DGKB: variants seen among roughly 807,000 people sequenced by gnomAD.
DGKB encodes the protein 90 kDa diacylglycerol kinase.
DGKB carries 67 observed loss-of-function variants against 114.3 expected under a neutral mutation model. The observed-to-expected ratio is 0.59, with a 90% CI of 0.48 to 0.72. The LOEUF (loss-of-function observed/expected upper bound fraction) is 0.72, where lower values mean the gene tolerates loss of function less well. Among genes scored for constraint, DGKB ranks in the 30% least tolerant of loss-of-function variants. The pLI, the probability that DGKB is intolerant of heterozygous loss-of-function variation, is 0.00. For synonymous variants in DGKB, 398 were observed against 323.1 expected (o/e 1.23, Z -2.49); for missense variants, 907 against 975.2 (o/e 0.93, Z 0.93).
At chr7:14,462,490 T>A (rs981264044) in intron 21 of DGKB, among the ~76,000 whole-genome samples, 1 of 152,100 alleles carries the variant, frequency 6.6e-6, no homozygotes, top group Non-Finnish European at 1.5e-5. Flanking sequence ...ATGAGTGAAC[T>A]CCCATTCACA....
intron 20 of DGKB, among the ~76,000 whole-genome samples, chr7:14,562,978 A>G (rs2128675734): frequency 6.6e-6 from 1 of 152,256 alleles, no homozygotes; most frequent in Admixed American, 6.5e-5. Flanking sequence ...AATTGTAATA[A>G]TGGCCATGTG....
intron 1 of DGKB, among the ~76,000 whole-genome samples, chr7:14,902,073 T>C (rs891314249): frequency 6.6e-6 from 1 of 152,158 alleles, no homozygotes; most frequent in African/African-American, 2.4e-5. Context: ...GCCTAGGCTG[T>C]TGCCTAGCAG....
intron 25 of DGKB, among the ~76,000 whole-genome samples, chr7:14,158,381 T>C (rs1338808556): frequency 6.6e-6 from 1 of 152,130 alleles, no homozygotes; most frequent in Non-Finnish European, 1.5e-5. Flanking sequence ...AAAAGAAAGG[T>C]TAGAAAAAAA....
At chr7:14,687,163 C>T (rs1226968893) in intron 9 of DGKB, among the ~76,000 whole-genome samples, 2 of 152,158 alleles carry the variant, frequency 1.3e-5, no homozygotes, top group Non-Finnish European at 2.9e-5. Flanking sequence ...ACGTGAAGCT[C>T]CTGTTGCTCT....
chr7:14,906,865 T>C (rs76786014), upstream of DGKB, among the ~76,000 whole-genome samples: 32 of 152,320 alleles, frequency 2.1e-4, no homozygotes, highest in African/African-American at 6.0e-4. Context: ...CTGCAAAGCA[T>C]TGGGAAAAGA....
chr7:14,764,473 C>G (rs189316422), intron 2 of DGKB, among the ~76,000 whole-genome samples: 52 of 151,944 alleles, frequency 3.4e-4, no homozygotes, highest in African/African-American at 1.1e-3. Context: ...GGATCCATAT[C>G]AGGATCATCC....
chr7:14,403,432 T>C (rs1215656112), intron 21 of DGKB, among the ~76,000 whole-genome samples: 1 of 151,948 alleles, frequency 6.6e-6, no homozygotes, highest in Non-Finnish European at 1.5e-5. Flanking sequence ...TTCTGAATAA[T>C]TGATCAGCAA....
chr7:14,818,625 T>C lies in DGKB; in HGVS notation c.70+22569A>G, dbSNP rs571931695. ...CATAATGGAAACAGAAATGAAGCAA[T>C]GGCTGTTTGGAAAAGAAAAAGAACT... On this transcript the variant is annotated intron_variant, in intron 2 of 25. Coordinates refer to ENST00000402815, the MANE Select transcript of DGKB (RefSeq NM_001350709.2). Among the ~76,000 whole-genome samples, 3 of 152,234 alleles carry C rather than the reference T, an allele frequency of 2.0e-5. No homozygotes were observed. The East Asian group carries it at 5.8e-4, about 29-fold the overall frequency.
At chr7:14,237,510 G>A (rs1792984433) in intron 23 of DGKB, among the ~76,000 whole-genome samples, 1 of 151,904 alleles carries the variant, frequency 6.6e-6, no homozygotes, top group South Asian at 2.1e-4. Context: ...GCATTAATGT[G>A]AGAGCACAGT....
chr7:14,788,805 G>A (rs1220693927), intron 2 of DGKB, among the ~76,000 whole-genome samples: 2 of 152,076 alleles, frequency 1.3e-5, no homozygotes, highest in African/African-American at 4.8e-5. Flanking sequence ...ATTCGTGAGT[G>A]CAACAAACTA....
At chr7:14,218,483 G>C (rs974278595) in intron 23 of DGKB, among the ~76,000 whole-genome samples, 1 of 152,062 alleles carries the variant, frequency 6.6e-6, no homozygotes, top group East Asian at 1.9e-4. Context: ...AGGTGAATTT[G>C]TTGGTGGTCT....
Position 14,156,001 on chromosome 7 carries a change from T to G in DGKB, c.2305-6763A>C, listed in dbSNP as rs538212954. Among the ~76,000 whole-genome samples, 8 of 152,212 alleles carry G rather than the reference T, an allele frequency of 5.3e-5. No homozygotes were observed. In the South Asian group the frequency reaches 1.7e-3, roughly 32 times the overall value. On this transcript the variant is annotated intron_variant, in intron 25 of 25. Coordinates refer to ENST00000402815, the MANE Select transcript of DGKB (RefSeq NM_001350709.2). ...TGAAGACCAGTGGGGCATATATGAA[T>G]AGCAGATGTTAGACTTTGTAACTGG... is the stretch of plus-strand genomic sequence containing the variant.
intron 12 of DGKB, 24 bp from the exon 13 acceptor site, chr7:14,673,051 G>C (rs367911510): frequency 3.5e-6 from 5 of 1,425,236 alleles, no homozygotes; most frequent in African/African-American, 1.4e-5. Context: ...AAGGGGGATA[G>C]TATCAAATTC....
chr7:14,553,933 C>T lies in DGKB; in HGVS notation c.1770+20279G>A, dbSNP rs534894909. ...TGTCGCCCAGGCTGGAGTGCAGTGGCGGGATCTCGGCTCACTGCAAGCTCC... is the reference window on the plus strand; with the variant it reads ...TGTCGCCCAGGCTGGAGTGCAGTGGTGGGATCTCGGCTCACTGCAAGCTCC... On this transcript the variant is annotated intron_variant, in intron 20 of 25. Transcript: ENST00000402815. 4.6e-3 allele frequency among the ~76,000 whole-genome samples: 547 copies of T among 119,252 alleles called. 9 individuals carry two copies. The highest frequency in any genetic ancestry group is 0.017 in the African/African-American group (516 of 31,262). The allele number at this position is 119,252 out of a possible 152,430, so 78.2% of individuals were successfully genotyped here. A position where few individuals can be genotyped will look rare whatever the true frequency, so the allele number is the denominator to read the frequency against.
chr7:14,668,150 G>A (rs1388307178), intron 13 of DGKB, among the ~76,000 whole-genome samples: 1 of 151,988 alleles, frequency 6.6e-6, no homozygotes, highest in Non-Finnish European at 1.5e-5. Context: ...AGCAGGTTGG[G>A]GTGTACAGAA....
intron 21 of DGKB, among the ~76,000 whole-genome samples, chr7:14,477,548 G>A (rs772411416): frequency 2.5e-4 from 38 of 152,246 alleles, no homozygotes; most frequent in Non-Finnish European, 5.0e-4. Flanking sequence ...GGGAAGATAC[G>A]GAACCAAGGC....
intron 20 of DGKB, among the ~76,000 whole-genome samples, chr7:14,488,782 T>G (rs2128927841): frequency 6.7e-6 from 1 of 150,324 alleles, no homozygotes; most frequent in South Asian, 2.1e-4. Flanking sequence ...GAGCCGAGAC[T>G]GCGCCACTGC....
chr7:14,237,782 A>G (rs1271172371), intron 23 of DGKB, among the ~76,000 whole-genome samples: 1 of 151,952 alleles, frequency 6.6e-6, no homozygotes, highest in Non-Finnish European at 1.5e-5. Context: ...TTGCCTGTTT[A>G]AGATAACATA....
intron 2 of DGKB, among the ~76,000 whole-genome samples, chr7:14,787,671 C>G (rs1246281107): frequency 6.6e-6 from 1 of 152,246 alleles, no homozygotes; most frequent in Non-Finnish European, 1.5e-5. Context: ...TTCTCCACCC[C>G]TCTCTGAAGG....
Sources: allele counts gnomAD v4.1 joint callset (sites outside exome capture counted in the v4.1 genomes callset), GRCh38; gene constraint gnomAD v4.1.1; transcripts MANE v1.5; gene names NCBI Gene and HGNC (gene_info 2026-07-23, HGNC 2026-07-21).